Variants in KCTD8 observed in about 807,000 individuals in gnomAD.
KCTD8 encodes potassium channel tetramerization domain containing 8, also known as BTB/POZ domain-containing protein KCTD8.
A neutral mutation model predicts 31.5 loss-of-function variants in KCTD8; 27 were observed. That is an observed-to-expected ratio of 0.86 (90% CI 0.63 to 1.18). The LOEUF (loss-of-function observed/expected upper bound fraction) is 1.18, where lower values mean the gene tolerates loss of function less well. Ranked by LOEUF, KCTD8 falls within the 50% of genes most tolerant of loss-of-function variation. The pLI, the probability that KCTD8 is intolerant of heterozygous loss-of-function variation, is 0.00. For missense variants in KCTD8, 658 were observed against 647.7 expected, an observed-to-expected ratio of 1.02 and a Z score of -0.17; for synonymous variants, 290 against 280.0, an observed-to-expected ratio of 1.04 and a Z score of -0.36.
chr4:44,387,043 A>T lies in KCTD8; in HGVS notation c.961+60520T>A, dbSNP rs1456030265. Reference sequence around the variant, plus strand: ...ACTTCAGCAAGTCTCAGGATAAAAAATCAGTGTGCAAAAATCACTAGCATT... The same window carrying T: ...ACTTCAGCAAGTCTCAGGATAAAAATTCAGTGTGCAAAAATCACTAGCATT... On this transcript the variant is annotated intron_variant, in intron 1 of 1. Transcript: ENST00000360029. Among the ~76,000 whole-genome samples the T allele has an allele frequency of 2.0e-5, 3 of 151,986 alleles. No individual in the cohort carries two copies. In the East Asian group the frequency reaches 5.8e-4, roughly 30 times the overall value.
At chr4:44,246,388 C>T (rs1233082731) in intron 1 of KCTD8, among the ~76,000 whole-genome samples, 1 of 151,952 alleles carries the variant, frequency 6.6e-6, no homozygotes. Flanking sequence ...TCCTATTAGT[C>T]CTTTTATGTA....
At chr4:44,265,581 G>A (rs1303502344) in intron 1 of KCTD8, among the ~76,000 whole-genome samples, 1 of 152,120 alleles carries the variant, frequency 6.6e-6, no homozygotes, top group African/African-American at 2.4e-5. Flanking sequence ...GGCTTCAGAT[G>A]ATCAAACTAC....
chr4:44,326,515 A>G (rs1718446429), intron 1 of KCTD8, among the ~76,000 whole-genome samples: 1 of 151,832 alleles, frequency 6.6e-6, no homozygotes, highest in Non-Finnish European at 1.5e-5. Context: ...ATGAATTACC[A>G]AGATAATCAC....
At chr4:44,266,963 C>A (rs1716391985) in intron 1 of KCTD8, among the ~76,000 whole-genome samples, 1 of 152,092 alleles carries the variant, frequency 6.6e-6, no homozygotes, top group Admixed American at 6.5e-5. Flanking sequence ...TAACACCCCA[C>A]TGTCAACATT....
chr4:44,283,466 T>C (rs1716957880), intron 1 of KCTD8, among the ~76,000 whole-genome samples: 1 of 152,132 alleles, frequency 6.6e-6, no homozygotes, highest in Non-Finnish European at 1.5e-5. Flanking sequence ...ACTCTCTTGT[T>C]AGGGTCTAAT....
chr4:44,214,863 G>C (rs1714603892), intron 1 of KCTD8, among the ~76,000 whole-genome samples: 1 of 152,180 alleles, frequency 6.6e-6, no homozygotes, highest in African/African-American at 2.4e-5. Context: ...CATGCATCTG[G>C]AGGCTGCAAG....
chr4:44,239,041 G>A (rs572210646), intron 1 of KCTD8, among the ~76,000 whole-genome samples: 1 of 152,262 alleles, frequency 6.6e-6, no homozygotes, highest in South Asian at 2.1e-4. Flanking sequence ...CAAATTGCTA[G>A]TCACGTGCAG....
At chr4:44,354,345 T>C (rs1369604489) in intron 1 of KCTD8, among the ~76,000 whole-genome samples, 1 of 152,142 alleles carries the variant, frequency 6.6e-6, no homozygotes, top group Non-Finnish European at 1.5e-5. Context: ...TCCTTCACGC[T>C]TACTTTTCAC....
At chr4:44,426,188 AG>A (rs1238405686) in intron 1 of KCTD8, among the ~76,000 whole-genome samples, 1 of 151,862 alleles carries the variant, frequency 6.6e-6, no homozygotes, top group Non-Finnish European at 1.5e-5. Context: ...CCATCAAGAA[AG>A]AAAAAGGGTT....
At chr4:44,229,532 G>T (rs944015033) in intron 1 of KCTD8, among the ~76,000 whole-genome samples, 1 of 152,266 alleles carries the variant, frequency 6.6e-6, no homozygotes. Flanking sequence ...CATGTGGGCA[G>T]CCCACCCTAA....
At chr4:44,250,260 T>C (rs1353018807) in intron 1 of KCTD8, among the ~76,000 whole-genome samples, 3 of 151,892 alleles carry the variant, frequency 2.0e-5, no homozygotes, top group Middle Eastern at 3.4e-3. Flanking sequence ...AGAAATATAC[T>C]AGTTTCTGTG....
intron 1 of KCTD8, among the ~76,000 whole-genome samples, chr4:44,187,628 T>C (rs189430509): frequency 6.6e-6 from 1 of 152,346 alleles, no homozygotes; most frequent in East Asian, 1.9e-4. Flanking sequence ...GGATGATTTA[T>C]TTGGTTTTCT....
At chr4:44,442,776 C>CACACGTAT (rs1035585190) in intron 1 of KCTD8, among the ~76,000 whole-genome samples, 11 of 150,326 alleles carry the variant, frequency 7.3e-5, no homozygotes, top group Non-Finnish European at 1.6e-4. Context: ...CTAAGGTATA[C>CACACGTAT]ACACACACAC....
chr4:44,222,566 T>C (rs1236549918), intron 1 of KCTD8, among the ~76,000 whole-genome samples: 1 of 152,194 alleles, frequency 6.6e-6, no homozygotes, highest in Non-Finnish European at 1.5e-5. Flanking sequence ...ATCAGTAAGA[T>C]ACCTGGTGTA....
rs1713835490 is a variant in KCTD8, at chr4:44,193,661, A to C, written c.962-18411T>G. 2.0e-5 allele frequency among the ~76,000 whole-genome samples: 3 copies of C among 152,068 alleles called. No individual in the cohort carries two copies. The South Asian group carries it at 6.2e-4, about 31-fold the overall frequency. On this transcript the variant is annotated intron_variant, in intron 1 of 1. Coordinates refer to ENST00000360029, the MANE Select transcript of KCTD8 (RefSeq NM_198353.3). ...ATTTTAACAAAAAAAAAAAAATTAA[A>C]GGCTACACATATGAAAATGTAGACA...
chr4:44,185,484 T>C (rs1045645295), intron 1 of KCTD8, among the ~76,000 whole-genome samples: 3 of 152,174 alleles, frequency 2.0e-5, no homozygotes, highest in Non-Finnish European at 4.4e-5. Context: ...ACGATAAAAT[T>C]TGATTGTGAC....
intron 1 of KCTD8, among the ~76,000 whole-genome samples, chr4:44,422,328 G>A (rs1721233038): frequency 6.6e-6 from 1 of 151,920 alleles, no homozygotes; most frequent in African/African-American, 2.4e-5. Flanking sequence ...GTGTACCTTT[G>A]AGATATATTA....
At chr4:44,333,201 C>T (rs1353089814) in intron 1 of KCTD8, among the ~76,000 whole-genome samples, 2 of 151,938 alleles carry the variant, frequency 1.3e-5, no homozygotes, top group Non-Finnish European at 2.9e-5. Context: ...AAGACTGTGT[C>T]GCCGATTAAT....
intron 1 of KCTD8, among the ~76,000 whole-genome samples, chr4:44,414,077 T>C (rs1040163935): frequency 6.6e-6 from 1 of 152,158 alleles, no homozygotes; most frequent in African/African-American, 2.4e-5. Context: ...TAAGATCCAC[T>C]TCAGACTTCT....
Sources: gnomAD v4.1 joint callset for allele counts (sites outside exome capture counted in the v4.1 genomes callset) on GRCh38, gnomAD v4.1.1 for gene constraint, MANE v1.5 for transcripts, NCBI Gene and HGNC (gene_info 2026-07-23, HGNC 2026-07-21) for gene names.